GPHN: variants seen among roughly 807,000 people sequenced by gnomAD.
GPHN encodes the protein gephyrin.
Under a neutral mutation model 95.5 loss-of-function variants are expected in GPHN, and 17 were observed. That is an observed-to-expected ratio of 0.18 (90% CI 0.12 to 0.27). The LOEUF is 0.27. Ranked by LOEUF, GPHN falls within the 10% of genes least tolerant of loss-of-function variation. The pLI is 1.00. For missense variants in GPHN, 660 were observed against 978.1 expected, an observed-to-expected ratio of 0.67 and a Z score of 4.34; for synonymous variants, 320 against 322.5, an observed-to-expected ratio of 0.99 and a Z score of 0.08.
intron 12 of GPHN, among the ~76,000 whole-genome samples, chr14:67,097,278 A>C (rs1394584596): frequency 6.6e-6 from 1 of 152,216 alleles, no homozygotes; most frequent in Non-Finnish European, 1.5e-5. Context: ...CAGCTAAAAA[A>C]TCTTTAATCA....
intron 16 of GPHN, among the ~76,000 whole-genome samples, chr14:67,118,765 G>A (rs562515938): frequency 2.0e-5 from 3 of 152,010 alleles, no homozygotes; most frequent in Admixed American, 2.0e-4. Context: ...TCCAGGGGTC[G>A]CGGGGGGAGT....
At chr14:67,643,092 T>G in the GPHN span, among the ~76,000 whole-genome samples, 1 of 152,184 alleles carries the variant, frequency 6.6e-6, no homozygotes, top group Non-Finnish European at 1.5e-5. Flanking sequence ...CATGAGCCAC[T>G]GTGCCCAGCT....
intron 8 of GPHN, among the ~76,000 whole-genome samples, chr14:66,951,675 AATG>A (rs1463239047): frequency 6.6e-6 from 1 of 152,188 alleles, no homozygotes; most frequent in Non-Finnish European, 1.5e-5. Context: ...GATTTAGTAT[AATG>A]ATACGATTAA....
Position 66,980,056 on chromosome 14 carries a change from A to G in GPHN, c.963+14731A>G, listed in dbSNP as rs936135153. Reference sequence around the variant, plus strand: ...ATTTGTGGTACCTCAAAACAATTGCAAAAGTAGCATCAAAGATCGCTGATC... The same window carrying G: ...ATTTGTGGTACCTCAAAACAATTGCGAAAGTAGCATCAAAGATCGCTGATC... On this transcript the variant is annotated intron_variant, in intron 9 of 22. Coordinates refer to ENST00000478722, the MANE Select transcript of GPHN (RefSeq NM_020806.5). Among the ~76,000 whole-genome samples the G allele has an allele frequency of 2.0e-5, 3 of 152,188 alleles. No homozygotes were observed. The South Asian group carries it at 6.2e-4, about 32-fold the overall frequency.
chr14:66,988,164 GAAATAAAGATT>G (rs2153601916), intron 9 of GPHN, among the ~76,000 whole-genome samples: 1 of 151,780 alleles, frequency 6.6e-6, no homozygotes, highest in Non-Finnish European at 1.5e-5. Context: ...TCCCATTTAT[GAAATAAAGATT>G]AAATTAGCAG....
intron 1 of GPHN, among the ~76,000 whole-genome samples, chr14:66,535,365 C>T (rs1447401505): frequency 2.0e-5 from 3 of 152,070 alleles, no homozygotes; most frequent in Non-Finnish European, 4.4e-5. Flanking sequence ...ATTACTGTAG[C>T]TCTATACTAA....
chr14:67,422,196 A>G, the GPHN span, among the ~76,000 whole-genome samples: 1 of 152,152 alleles, frequency 6.6e-6, no homozygotes, highest in Non-Finnish European at 1.5e-5. Context: ...TCAGGCAACT[A>G]GGGACCACTC....
chr14:66,780,077 A>C (rs192574142), intron 3 of GPHN, among the ~76,000 whole-genome samples: 267 of 152,298 alleles, frequency 1.8e-3, no homozygotes, highest in African/African-American at 5.1e-3. Context: ...TTGGATGTTT[A>C]GGGGAAATTG....
intron 1 of GPHN, among the ~76,000 whole-genome samples, chr14:66,604,921 G>A (rs75077884): frequency 0.014 from 1,844 of 131,722 alleles, 21 homozygotes; most frequent in Middle Eastern, 0.027. Flanking sequence ...TATGTATTCC[G>A]TTATTTAGGT....
intron 1 of GPHN, among the ~76,000 whole-genome samples, chr14:66,540,843 G>A (rs776504387): frequency 1.3e-5 from 2 of 151,786 alleles, no homozygotes; most frequent in African/African-American, 2.4e-5. Context: ...GTGTGATCTC[G>A]GCTCACTGCA....
chr14:66,784,241 G>T (rs1162162553), intron 3 of GPHN, among the ~76,000 whole-genome samples: 1 of 152,014 alleles, frequency 6.6e-6, no homozygotes, highest in African/African-American at 2.4e-5. Flanking sequence ...AAACTCACAG[G>T]GGGCAACAGA....
chr14:67,729,303 G>C, the GPHN span: 18 of 1,601,948 alleles, frequency 1.1e-5, no homozygotes, highest in Admixed American at 1.7e-5. Flanking sequence ...TTGTCAAGAC[G>C]GCACGGGAGG....
intron 2 of GPHN, among the ~76,000 whole-genome samples, chr14:66,694,949 G>C (rs2068017566): frequency 6.6e-6 from 1 of 152,190 alleles, no homozygotes; most frequent in Non-Finnish European, 1.5e-5. Context: ...CTTAAGGTCA[G>C]GAGTTCATGA....
chr14:67,559,578 G>C, the GPHN span: 1 of 1,479,888 alleles, frequency 6.8e-7, no homozygotes, highest in Non-Finnish European at 9.3e-7. Flanking sequence ...TGATTGTTGG[G>C]ATTAACGGAA....
chr14:67,323,618 A>ATATATATATTAGAT, the GPHN span: 1,269 of 264,246 alleles, frequency 4.8e-3, 30 homozygotes, highest in East Asian at 0.04. Flanking sequence ...TTAATCTAAT[A>ATATATATATTAGAT]TATATATATA....
At chr14:67,145,493 C>CT (rs2153706788) in intron 18 of GPHN, among the ~76,000 whole-genome samples, 1 of 152,160 alleles carries the variant, frequency 6.6e-6, no homozygotes, top group South Asian at 2.1e-4. Flanking sequence ...TACACTAAAC[C>CT]TTTAATTTAC....
At chr14:66,587,408 A>T (rs979989180) in intron 1 of GPHN, among the ~76,000 whole-genome samples, 1 of 152,212 alleles carries the variant, frequency 6.6e-6, no homozygotes, top group Non-Finnish European at 1.5e-5. Context: ...GATACCATAG[A>T]CAAACAAGTA....
chr14:66,913,307 C>T (rs935634222), intron 5 of GPHN, among the ~76,000 whole-genome samples: 1 of 151,760 alleles, frequency 6.6e-6, no homozygotes, highest in African/African-American at 2.4e-5. Context: ...ATTATTTTTC[C>T]CCTCCTCCTA....
intron 2 of GPHN, among the ~76,000 whole-genome samples, chr14:66,708,214 C>CAAA (rs148207182): frequency 6.8e-6 from 1 of 146,918 alleles, no homozygotes; most frequent in African/African-American, 2.5e-5. Context: ...CTAAAAACTT[C>CAAA]AAAAAAAAAA....
Sources: gnomAD v4.1 joint callset for allele counts (sites outside exome capture counted in the v4.1 genomes callset) on GRCh38, gnomAD v4.1.1 for gene constraint, MANE v1.5 for transcripts, NCBI Gene and HGNC (gene_info 2026-07-23, HGNC 2026-07-21) for gene names.